The following MSI2 variants were observed in gnomAD, a reference collection of about 807,000 sequenced individuals.
MSI2 encodes the protein RNA-binding protein Musashi homolog 2.
A neutral mutation model predicts 45.6 loss-of-function variants in MSI2; 17 were observed. The ratio of observed to expected loss-of-function variants is 0.37; its 90% CI spans 0.26 to 0.56. The LOEUF (loss-of-function observed/expected upper bound fraction) is 0.56. MSI2 is among the 20% of genes least tolerant of loss of function. The probability of loss-of-function intolerance (pLI) is 0.77; values close to 1 mark genes in which losing one functional copy is unlikely to be tolerated. For synonymous variants in MSI2, 156 were observed against 158.2 expected, an observed-to-expected ratio of 0.99 and a Z score of 0.11; for missense variants, 293 against 444.2, an observed-to-expected ratio of 0.66 and a Z score of 3.06.
chr17:57,667,238 G>T (rs1912434115), intron 11 of MSI2, among the ~76,000 whole-genome samples: 1 of 152,160 alleles, frequency 6.6e-6, no homozygotes, highest in Admixed American at 6.5e-5. Context: ...AACCTGTGTG[G>T]GCCTGGAGTC....
At chr17:57,494,109 T>C (rs1346815945) in intron 6 of MSI2, among the ~76,000 whole-genome samples, 1 of 152,196 alleles carries the variant, frequency 6.6e-6, no homozygotes, top group Non-Finnish European at 1.5e-5. Flanking sequence ...GTGAGGGTTA[T>C]TATGATACCC....
intron 5 of MSI2, among the ~76,000 whole-genome samples, chr17:57,353,015 T>C (rs1461054397): frequency 1.3e-5 from 2 of 152,336 alleles, no homozygotes; most frequent in East Asian, 3.9e-4. Flanking sequence ...TCTGCAGCTT[T>C]AAAAAAGTCA....
chr17:57,391,776 A>G (rs983612914), intron 5 of MSI2, among the ~76,000 whole-genome samples: 2 of 152,200 alleles, frequency 1.3e-5, no homozygotes, highest in African/African-American at 4.8e-5. Flanking sequence ...TGCCTTTCTC[A>G]TGCTGGGGCT....
At chr17:57,669,983 G>A (rs932572336) in intron 11 of MSI2, among the ~76,000 whole-genome samples, 1 of 152,200 alleles carries the variant, frequency 6.6e-6, no homozygotes, top group Non-Finnish European at 1.5e-5. Flanking sequence ...TGGCCTTTGC[G>A]GAAATGTGAG....
At chr17:57,257,352 A>G (rs1456627999) in intron 2 of MSI2, 114 bp from the exon 3 acceptor site, 2 of 706,154 alleles carry the variant, frequency 2.8e-6, no homozygotes, top group Non-Finnish European at 4.5e-6. Flanking sequence ...GCAAAAACAA[A>G]ACAGAATAAC....
In MSI2 at chr17:57,262,175, C is replaced by T; in HGVS notation, c.295C>T (p.Arg99Cys). The T allele has an allele frequency of 1.2e-6, 2 of 1,614,004 alleles. No homozygotes were observed. The highest frequency in any genetic ancestry group is 1.7e-6 in the Non-Finnish European group (2 of 1,179,962). Reference protein sequence around the residue: ...KTIDPKVAFPRRAQPKMVTRT... With the variant: ...KTIDPKVAFPCRAQPKMVTRT... ...GATTGACCCCAAAGTTGCATTTCCT[C>T]GTCGAGCGCAACCCAAGGTAAGTAG... is the stretch of plus-strand genomic sequence containing the variant. The change falls in exon 5 of 14, where the codon CGT becomes TGT. Residue 99 changes from arginine (R) to cysteine (C), a missense_variant. Transcript: ENST00000284073.
At chr17:57,570,216 A>C (rs73312881) in intron 7 of MSI2, among the ~76,000 whole-genome samples, 6,625 of 152,220 alleles carry the variant, frequency 0.044, 347 homozygotes, top group African/African-American at 0.12. Context: ...GCTCTTAGAG[A>C]AGACCAACTC....
At chr17:57,450,295 GAAAGA>G (rs1567830877) in intron 6 of MSI2, 3 of 133,700 alleles carry the variant, frequency 2.2e-5, no homozygotes, top group Non-Finnish European at 4.9e-5. Context: ...AAGAAAGAAA[GAAAGA>G]AAGAAAGAAA....
intron 11 of MSI2, among the ~76,000 whole-genome samples, chr17:57,657,679 A>G (rs1911701649): frequency 1.3e-5 from 2 of 152,176 alleles, no homozygotes; most frequent in African/African-American, 4.8e-5. Flanking sequence ...TCCCCCTTCA[A>G]GATGTTTTCT....
At chr17:57,434,220 C>T (rs1027110496) in intron 6 of MSI2, among the ~76,000 whole-genome samples, 6 of 152,150 alleles carry the variant, frequency 3.9e-5, no homozygotes, top group Non-Finnish European at 8.8e-5. Context: ...CTGCCTCAGC[C>T]TCACAAGTAG....
chr17:57,295,102 G>A (rs1277995923), intron 5 of MSI2, among the ~76,000 whole-genome samples: 1 of 152,188 alleles, frequency 6.6e-6, no homozygotes, highest in African/African-American at 2.4e-5. Context: ...AATTGGGATG[G>A]GGGGAATGTG....
At chr17:57,258,199 TCTCA>T in intron 3 of MSI2, 67 bp from the exon 4 acceptor site, 1 of 1,369,290 alleles carries the variant, frequency 7.3e-7, no homozygotes, top group Non-Finnish European at 1.0e-6. Flanking sequence ...CAGCCTTAGG[TCTCA>T]CTCCTGGTTG....
chr17:57,534,237 A>G (rs1346648038), intron 7 of MSI2, among the ~76,000 whole-genome samples: 1 of 152,218 alleles, frequency 6.6e-6, no homozygotes, highest in East Asian at 1.9e-4. Context: ...GTAACTGGTT[A>G]AAGCGGAGGA....
chr17:57,599,075 G>C (rs1300741530), intron 8 of MSI2, among the ~76,000 whole-genome samples: 2 of 152,234 alleles, frequency 1.3e-5, no homozygotes, highest in East Asian at 1.9e-4. Context: ...CTCCACTAAG[G>C]CTGCTGGGCA....
rs569038057 is a variant in MSI2 at position 57,463,498 on chromosome 17, C to G, written c.405+62027C>G. Among the ~76,000 whole-genome samples the G allele has an allele frequency of 9.2e-5, 14 of 152,276 alleles. No homozygotes were observed. The East Asian group carries it at 2.5e-3, about 27-fold the overall frequency. On this transcript the variant is annotated intron_variant, in intron 6 of 13. Coordinates refer to ENST00000284073, the MANE Select transcript of MSI2 (RefSeq NM_138962.4). The stretch of plus-strand genomic sequence containing the variant: ...CCTGTCCAGGCCCTAGTCACCCACC[C>G]ACTAAGGCTTTGCCCCGCCCTCCCA...
At chr17:57,410,205 C>T (rs1449217801) in intron 6 of MSI2, among the ~76,000 whole-genome samples, 6 of 151,464 alleles carry the variant, frequency 4.0e-5, no homozygotes, top group East Asian at 1.9e-4. Context: ...CACCTTCAAG[C>T]GGAGTCTGGA....
chr17:57,669,709 T>C (rs1370206264), intron 11 of MSI2, among the ~76,000 whole-genome samples: 1 of 152,206 alleles, frequency 6.6e-6, no homozygotes, highest in East Asian at 1.9e-4. Context: ...CCTCTCCTGC[T>C]CTCAGTCCTC....
At chr17:57,615,716 A>G (rs1387773179) in intron 8 of MSI2, among the ~76,000 whole-genome samples, 1 of 152,192 alleles carries the variant, frequency 6.6e-6, no homozygotes, top group Non-Finnish European at 1.5e-5. Context: ...ATCTGTGTGT[A>G]TATCTGCAGC....
chr17:57,347,713 A>T (rs979684725), intron 5 of MSI2, among the ~76,000 whole-genome samples: 4 of 152,298 alleles, frequency 2.6e-5, no homozygotes, highest in African/African-American at 4.8e-5. Context: ...CTCTTGGTAG[A>T]GTAGGTTTGT....
Sources: gnomAD v4.1 joint callset for allele counts (sites outside exome capture counted in the v4.1 genomes callset) on GRCh38, gnomAD v4.1.1 for gene constraint, MANE v1.5 for transcripts, NCBI Gene and HGNC (gene_info 2026-07-23, HGNC 2026-07-21) for gene names.